Variants in MYRIP observed in about 807,000 individuals in gnomAD.
MYRIP encodes the protein myosin VIIA and Rab interacting protein.
In MYRIP, 49 loss-of-function variants were observed where a neutral mutation model predicts 98.0. The observed-to-expected ratio is 0.50, with a 90% CI of 0.40 to 0.63. MYRIP has a LOEUF of 0.63. MYRIP is among the 30% of genes least tolerant of loss of function. MYRIP has a pLI of 0.00. For synonymous variants in MYRIP, 404 were observed against 409.5 expected (o/e 0.99, Z 0.16); for missense variants, 1,004 against 1,058.2 (o/e 0.95, Z 0.71).
At chr3:39,846,002 G>C (rs1258934204) in intron 1 of MYRIP, among the ~76,000 whole-genome samples, 1 of 152,148 alleles carries the variant, frequency 6.6e-6, no homozygotes, top group African/African-American at 2.4e-5. Context: ...AGAACTTGCA[G>C]ATCAAATATA....
intron 2 of MYRIP, among the ~76,000 whole-genome samples, chr3:40,042,678 ATAG>A (rs1195253356): frequency 2.0e-5 from 3 of 152,252 alleles, no homozygotes; most frequent in African/African-American, 4.8e-5. Context: ...TAGTAAAACA[ATAG>A]TAGTAGTAAA....
At chr3:40,250,988 G>A (rs990581266) in intron 15 of MYRIP, among the ~76,000 whole-genome samples, 8 of 152,230 alleles carry the variant, frequency 5.3e-5, no homozygotes, top group African/African-American at 1.9e-4. Flanking sequence ...GGTGGTACTT[G>A]CTGTAGGATC....
intron 2 of MYRIP, among the ~76,000 whole-genome samples, chr3:39,954,560 G>A (rs1945108207): frequency 6.6e-6 from 1 of 152,112 alleles, no homozygotes; most frequent in African/African-American, 2.4e-5. Context: ...CCACAAAGAT[G>A]GGGAGAAACC....
intron 3 of MYRIP, among the ~76,000 whole-genome samples, chr3:40,124,186 G>T (rs1306694033): frequency 6.6e-6 from 1 of 152,076 alleles, no homozygotes; most frequent in Non-Finnish European, 1.5e-5. Flanking sequence ...AGAATTTGTG[G>T]CCATCTTCTA....
At position 40,165,801 on chromosome 3, in the gene MYRIP, T is replaced by C. The variant is rs141567098; in HGVS notation, c.551-1045T>C. 1.6e-3 allele frequency among the ~76,000 whole-genome samples: 243 copies of C among 152,260 alleles called. 2 individuals carry two copies. Among genetic ancestry groups the C allele is most frequent in the Admixed American group, 0.011 (173 of 15,288 alleles). On this transcript the variant is annotated intron_variant, in intron 5 of 16. Transcript: ENST00000302541. ...TCACTAAAAGTATGGTAGCACTATA[T>C]TTTTTAATCACGTTAGCTTGTATTC...
At position 40,044,043 on chromosome 3, in the gene MYRIP, T is replaced by C; in HGVS notation, c.111-7T>C. On this transcript the variant is annotated splice_polypyrimidine_tract_variant and splice_region_variant and intron_variant, in intron 2 of 16. Transcript: ENST00000302541. ...CTCCTCCCATTTCCCCTACCTTGGT[T>C]TCCCAGTGAGCTGAAGCAGAAGCTG... The C allele has an allele frequency of 1.9e-6, 3 of 1,613,192 alleles. No homozygotes were observed. The highest frequency in any genetic ancestry group is 1.7e-6 in the Non-Finnish European group (2 of 1,179,488).
chr3:40,194,031 C>A (rs2887962), intron 10 of MYRIP, among the ~76,000 whole-genome samples: 1 of 152,084 alleles, frequency 6.6e-6, no homozygotes, highest in Non-Finnish European at 1.5e-5. Context: ...CTCTTTTGCC[C>A]TAAGTATATT....
At chr3:40,007,522 A>T (rs796493406) in intron 2 of MYRIP, among the ~76,000 whole-genome samples, 22 of 152,262 alleles carry the variant, frequency 1.4e-4, no homozygotes, top group African/African-American at 5.3e-4. Flanking sequence ...CCTCACAGAC[A>T]TTGTGATGAG....
intron 4 of MYRIP, among the ~76,000 whole-genome samples, chr3:40,157,191 G>A (rs1425808281): frequency 8.7e-5 from 13 of 148,770 alleles, no homozygotes; most frequent in African/African-American, 3.3e-4. Context: ...TTTATTGAGA[G>A]TTTTTAGCAT....
chr3:40,190,510 GAT>G, intron 10 of MYRIP, 47 bp downstream of exon 10: 1 of 1,532,156 alleles, frequency 6.5e-7, no homozygotes, highest in Non-Finnish European at 8.8e-7. Context: ...CTTTAGGTAG[GAT>G]GTGCCCTACT....
chr3:40,190,682 G>T (rs1951184185), intron 10 of MYRIP, among the ~76,000 whole-genome samples: 2 of 152,170 alleles, frequency 1.3e-5, no homozygotes, highest in Admixed American at 1.3e-4. Flanking sequence ...TCAAAGTGTG[G>T]TTTGTGAGTG....
At chr3:39,904,285 TG>T (rs1943822427) in intron 2 of MYRIP, among the ~76,000 whole-genome samples, 1 of 152,198 alleles carries the variant, frequency 6.6e-6, no homozygotes, top group Non-Finnish European at 1.5e-5. Context: ...CTCACTCTGT[TG>T]CCCAGGTTGG....
intron 1 of MYRIP, among the ~76,000 whole-genome samples, chr3:39,820,716 A>G (rs565473016): frequency 6.6e-6 from 1 of 152,310 alleles, no homozygotes; most frequent in South Asian, 2.1e-4. Flanking sequence ...TCATTGTTTT[A>G]ATCCTTGTTC....
chr3:40,081,159 G>C (rs1264440004), intron 3 of MYRIP, among the ~76,000 whole-genome samples: 1 of 151,954 alleles, frequency 6.6e-6, no homozygotes, highest in Admixed American at 6.6e-5. Flanking sequence ...CCCATGTTAT[G>C]GTCAACTTTC....
chr3:40,095,834 TC>T (rs1948819116), intron 3 of MYRIP, among the ~76,000 whole-genome samples: 1 of 150,968 alleles, frequency 6.6e-6, no homozygotes, highest in Admixed American at 6.6e-5. Flanking sequence ...TCTTCTATCC[TC>T]CTCTTTTCTC....
intron 2 of MYRIP, among the ~76,000 whole-genome samples, chr3:39,972,103 G>A (rs193006457): frequency 6.6e-6 from 1 of 152,130 alleles, no homozygotes; most frequent in African/African-American, 2.4e-5. Context: ...GCTACAAAAT[G>A]TTGGCAACAT....
intron 10 of MYRIP, among the ~76,000 whole-genome samples, chr3:40,198,064 T>A (rs972110278): frequency 3.3e-5 from 5 of 152,202 alleles, no homozygotes; most frequent in African/African-American, 1.2e-4. Context: ...TCACACACTT[T>A]GCATGGTTTT....
At chr3:40,236,846 G>GT (rs35937845) in intron 12 of MYRIP, among the ~76,000 whole-genome samples, 14,934 of 147,194 alleles carry the variant, frequency 0.1, 946 homozygotes, top group African/African-American at 0.19. Flanking sequence ...ATTGGAGAGT[G>GT]TTTTTTTTTT....
chr3:39,929,518 G>A (rs1944492470), intron 2 of MYRIP, among the ~76,000 whole-genome samples: 1 of 152,084 alleles, frequency 6.6e-6, no homozygotes, highest in Non-Finnish European at 1.5e-5. Context: ...GGTATTGGCA[G>A]AGTGATGGAT....
Sources: allele counts gnomAD v4.1 joint callset (sites outside exome capture counted in the v4.1 genomes callset), GRCh38; gene constraint gnomAD v4.1.1; transcripts MANE v1.5; gene names NCBI Gene and HGNC (gene_info 2026-07-23, HGNC 2026-07-21).